NYAP2: variants seen among roughly 807,000 people sequenced by gnomAD.
The protein encoded by NYAP2 is neuronal tyrosine-phosphorylated phosphoinositide-3-kinase adapter 2.
Under a neutral mutation model 50.4 loss-of-function variants are expected in NYAP2, and 23 were observed. The ratio of observed to expected loss-of-function variants is 0.46; its 90% CI spans 0.33 to 0.65. The LOEUF (loss-of-function observed/expected upper bound fraction) is 0.65, where lower values mean the gene tolerates loss of function less well. NYAP2 is among the 30% of genes least tolerant of loss of function. The pLI, the probability that NYAP2 is intolerant of heterozygous loss-of-function variation, is 0.02. For missense variants in NYAP2, 885 were observed against 861.0 expected, an observed-to-expected ratio of 1.03 and a Z score of -0.35; for synonymous variants, 394 against 365.2, an observed-to-expected ratio of 1.08 and a Z score of -0.90.
At chr2:225,561,954 A>T (rs1175519058) in intron 4 of NYAP2, among the ~76,000 whole-genome samples, 1 of 152,026 alleles carries the variant, frequency 6.6e-6, no homozygotes, top group Non-Finnish European at 1.5e-5. Context: ...GAAATCACTG[A>T]ATCTGGCTTC....
intron 3 of NYAP2, among the ~76,000 whole-genome samples, chr2:225,414,061 T>A (rs1695087511): frequency 6.6e-6 from 1 of 152,166 alleles, no homozygotes; most frequent in South Asian, 2.1e-4. Context: ...CACTGAGCTC[T>A]TAGAAAAAGA....
At chr2:225,687,408 T>G in the NYAP2 span, among the ~76,000 whole-genome samples, 1 of 152,298 alleles carries the variant, frequency 6.6e-6, no homozygotes, top group African/African-American at 2.4e-5. Context: ...TGCATATAAC[T>G]TGCCAATTTA....
chr2:225,489,646 C>T (rs772283375), intron 3 of NYAP2, among the ~76,000 whole-genome samples: 9 of 152,126 alleles, frequency 5.9e-5, no homozygotes, highest in African/African-American at 1.9e-4. Context: ...TTCTGAAATA[C>T]CCAACTTTCT....
rs115474282 is a variant in NYAP2 at position 225,503,357 on chromosome 2, G to C, written c.222-10014G>C. ...TCTTTAGGCCATGACACTTCAAGAA[G>C]TAGAAGAGTCTTATGTATAGAAATG... On this transcript the variant is annotated intron_variant, in intron 3 of 6. Coordinates refer to ENST00000636099, the Ensembl canonical transcript of NYAP2. Among the ~76,000 whole-genome samples the C allele has an allele frequency of 9.3e-3, 1,409 of 152,248 alleles. 16 individuals are homozygous for C. The highest frequency in any genetic ancestry group is 0.032 in the African/African-American group (1,318 of 41,534).
At chr2:225,655,935 C>CAT (rs1365429757), downstream of NYAP2, among the ~76,000 whole-genome samples, 5 of 147,332 alleles carry the variant, frequency 3.4e-5, no homozygotes, top group African/African-American at 1.2e-4. Flanking sequence ...CACATACACA[C>CAT]ATACACACAC....
chr2:225,471,941 G>T (rs1014500544), intron 3 of NYAP2, among the ~76,000 whole-genome samples: 3 of 151,690 alleles, frequency 2.0e-5, no homozygotes, highest in African/African-American at 7.3e-5. Context: ...TAACCAAGAG[G>T]TAAAAATGAT....
chr2:225,657,001 G>C (rs571980175), downstream of NYAP2, among the ~76,000 whole-genome samples: 1 of 151,730 alleles, frequency 6.6e-6, no homozygotes, highest in Admixed American at 6.6e-5. Context: ...TAGTACATTT[G>C]CACATAAAAC....
At chr2:225,506,688 C>A (rs1414578636) in intron 3 of NYAP2, among the ~76,000 whole-genome samples, 1 of 152,138 alleles carries the variant, frequency 6.6e-6, no homozygotes, top group Non-Finnish European at 1.5e-5. Context: ...TTAAATCATA[C>A]TTTTAATGAA....
At chr2:225,404,446 A>G (rs1350239603) in intron 2 of NYAP2, among the ~76,000 whole-genome samples, 1 of 152,032 alleles carries the variant, frequency 6.6e-6, no homozygotes, top group Non-Finnish European at 1.5e-5. Flanking sequence ...TTGTAAAGAA[A>G]TGGAATGCTA....
chr2:225,476,458 G>T (rs939866068), intron 3 of NYAP2, among the ~76,000 whole-genome samples: 20 of 150,846 alleles, frequency 1.3e-4, no homozygotes, highest in Non-Finnish European at 2.7e-4. Flanking sequence ...CCAGGTTTTT[G>T]TTCATTGTAG....
chr2:225,430,007 C>A (rs756670219), intron 3 of NYAP2, among the ~76,000 whole-genome samples: 3 of 152,158 alleles, frequency 2.0e-5, no homozygotes, highest in African/African-American at 7.2e-5. Flanking sequence ...AATGTGTCAG[C>A]GTAAACTGAT....
In NYAP2 at chr2:225,477,240, T is replaced by TA. The variant is rs1486727093; in HGVS notation, c.222-36131_222-36130insA. 1.3e-4 allele frequency among the ~76,000 whole-genome samples: 18 copies of TA among 140,048 alleles called. 1 individual carries two copies. The South Asian group carries it at 4.2e-3, about 32-fold the overall frequency. The allele number at this position is 140,048 out of a possible 152,430, so 91.9% of individuals were successfully genotyped here. ...CTGAGAGTCTCTATTTCTTTTTTTT[T>TA]TTTTTTTTTTTTTTGAGACGGAGTC... On this transcript the variant is annotated intron_variant, in intron 3 of 6. Coordinates refer to ENST00000636099, the Ensembl canonical transcript of NYAP2.
the NYAP2 span, among the ~76,000 whole-genome samples, chr2:225,665,418 C>T: frequency 1.8e-4 from 28 of 152,006 alleles, no homozygotes; most frequent in Admixed American, 1.8e-3. Flanking sequence ...TTTATTGAAC[C>T]GAAAGAAGGT....
At chr2:225,551,399 G>A (rs2106209958) in intron 4 of NYAP2, among the ~76,000 whole-genome samples, 1 of 152,358 alleles carries the variant, frequency 6.6e-6, no homozygotes, top group East Asian at 1.9e-4. Context: ...CATGAAGTGA[G>A]ATGCTAGAGG....
chr2:225,540,321 T>C (rs965501033), intron 4 of NYAP2, among the ~76,000 whole-genome samples: 5 of 152,172 alleles, frequency 3.3e-5, no homozygotes, highest in African/African-American at 1.2e-4. Flanking sequence ...GATGAATACA[T>C]ACTTGAGACT....
chr2:225,430,715 AT>A (rs71062989), intron 3 of NYAP2, among the ~76,000 whole-genome samples: 125,082 of 151,764 alleles, frequency 0.82, 51,910 homozygotes, highest in African/African-American at 0.89. Context: ...CTAGAATGCT[AT>A]TTTTTTTTTA....
At chr2:225,596,403 C>T (rs1431542057) in intron 5 of NYAP2, among the ~76,000 whole-genome samples, 1 of 152,116 alleles carries the variant, frequency 6.6e-6, no homozygotes, top group Non-Finnish European at 1.5e-5. Context: ...TTTTTTATTG[C>T]AGCAAATAGC....
intron 6 of NYAP2, among the ~76,000 whole-genome samples, chr2:225,629,245 A>G (rs972251389): frequency 2.6e-5 from 4 of 152,224 alleles, no homozygotes; most frequent in South Asian, 2.1e-4. Context: ...TCCCAGCTCA[A>G]GAAGAAAGAG....
intron 4 of NYAP2, among the ~76,000 whole-genome samples, chr2:225,550,633 A>G (rs770916006): frequency 3.3e-4 from 50 of 152,328 alleles, no homozygotes; most frequent in Non-Finnish European, 5.4e-4. Flanking sequence ...ATGTATATAT[A>G]AAAACATTCT....
Sources: gnomAD v4.1 joint callset for allele counts (sites outside exome capture counted in the v4.1 genomes callset) on GRCh38, gnomAD v4.1.1 for gene constraint, MANE v1.5 for transcripts, NCBI Gene and HGNC (gene_info 2026-07-23, HGNC 2026-07-21) for gene names.